SPX: variants seen among roughly 807,000 people sequenced by gnomAD.
The protein encoded by SPX is spexin hormone, also known as spexin.
In SPX, 22 loss-of-function variants were observed where a neutral mutation model predicts 19.2. The ratio of observed to expected loss-of-function variants is 1.15; its 90% CI spans 0.82 to 1.64. The LOEUF (loss-of-function observed/expected upper bound fraction) is 1.64. SPX is among the 40% of genes most tolerant of loss of function. SPX has a pLI of 0.00. For synonymous variants in SPX, 50 were observed against 53.3 expected (o/e 0.94, Z 0.27); for missense variants, 143 against 137.7 (o/e 1.04, Z -0.19).
At position 21,532,171 on chromosome 12, in the gene SPX, C is replaced by A. The variant is rs1044579025; in HGVS notation, c.*976C>A. 6.6e-6 allele frequency: 1 copy of A among 152,186 alleles called. No homozygotes were observed. Among genetic ancestry groups the A allele is most frequent in the African/African-American group, 2.4e-5 (1 of 41,436 alleles). The allele number at this position is 152,186 out of a possible 1,614,324, so 9.4% of individuals were successfully genotyped here. On this transcript the variant is annotated 3_prime_UTR_variant, in exon 6 of 6. Transcript: ENST00000256969. ...GCACATATACCCACACACGCATACA[C>A]ACATACTCCTGTGGCAAACATAATA...
chr12:21,526,582 A>G (rs994084364), intron 1 of SPX, 104 bp downstream of exon 1: 2 of 1,145,228 alleles, frequency 1.7e-6, no homozygotes, highest in Non-Finnish European at 2.5e-6. Context: ...AGTTTAAAGG[A>G]TATTTGAACG....
chr12:21,529,166 C>T lies in SPX; in HGVS notation c.292+82C>T, dbSNP rs7132029. 9,069 of 1,326,814 alleles carry T rather than the reference C, an allele frequency of 6.8e-3. 219 individuals are homozygous for T. The African/African-American group carries it at 0.073, about 11-fold the overall frequency. 82.2% of individuals were successfully genotyped at this position (1,326,814 alleles called of 1,614,324 possible). On this transcript the variant is annotated intron_variant, in intron 5 of 5. Coordinates refer to ENST00000256969, the MANE Select transcript of SPX (RefSeq NM_030572.4). Reference sequence around the variant, plus strand: ...GGATTCTGTGTTGAGTGCAACACCCCTCCCCCAGAATTTCTTGGCCTTAGG... The same window carrying T: ...GGATTCTGTGTTGAGTGCAACACCCTTCCCCCAGAATTTCTTGGCCTTAGG...
At chr12:21,529,433 C>T (rs1259613924) in intron 5 of SPX, among the ~76,000 whole-genome samples, 4 of 151,826 alleles carry the variant, frequency 2.6e-5, no homozygotes, top group Admixed American at 1.3e-4. Context: ...AGTGAAGGGA[C>T]ATTAAAAGGA....
chr12:21,531,427 T>G lies in SPX; in HGVS notation c.*232T>G, dbSNP rs151219860. 2.8e-6 allele frequency: 1 copy of G among 354,776 alleles called. No homozygotes were observed. Among genetic ancestry groups the G allele is most frequent in the African/African-American group, 2.1e-5 (1 of 47,420 alleles). 22.0% of individuals were successfully genotyped at this position (354,776 alleles called of 1,614,324 possible). ...AAATGTTTTCAGATCACCTTGTGTC[T>G]TACTCTTGAGTTTCTTAGAATATTT... On this transcript the variant is annotated 3_prime_UTR_variant, in exon 6 of 6. Coordinates refer to ENST00000256969, the MANE Select transcript of SPX (RefSeq NM_030572.4).
In SPX at chr12:21,526,458, GA is replaced by G; in HGVS notation, c.-11del. On this transcript the variant is annotated 5_prime_UTR_variant, in exon 1 of 6. Coordinates refer to ENST00000256969, the MANE Select transcript of SPX (RefSeq NM_030572.4). ...AAAGTTATAGTTATTTCAGGGTTCTGAAAAGACGCAGAACATGAAGGTAAGT... is the reference window on the plus strand; with the variant it reads ...AAAGTTATAGTTATTTCAGGGTTCTGAAAGACGCAGAACATGAAGGTAAGT... 2 of 1,590,128 alleles carry G rather than the reference GA, an allele frequency of 1.3e-6. No individual in the cohort carries two copies. Among genetic ancestry groups the G allele is most frequent in the African/African-American group, 1.3e-5 (1 of 74,742 alleles).
intron 5 of SPX, among the ~76,000 whole-genome samples, chr12:21,530,168 GA>G (rs1277636318): frequency 6.6e-6 from 1 of 152,124 alleles, no homozygotes; most frequent in East Asian, 1.9e-4. Context: ...TAAATTGATA[GA>G]AAAGTTTTTG....
Position 21,532,522 on chromosome 12 carries a change from T to C in SPX, c.*1327T>C, listed in dbSNP as rs1468048310. The C allele has an allele frequency of 1.3e-5, 2 of 152,224 alleles. No individual in the cohort carries two copies. The highest frequency in any genetic ancestry group is 4.8e-5 in the African/African-American group (2 of 41,464). The allele number at this position is 152,224 out of a possible 1,614,324, so 9.4% of individuals were successfully genotyped here. A position where few individuals can be genotyped will look rare whatever the true frequency, so the allele number is the denominator to read the frequency against. Reference sequence around the variant, plus strand: ...TGAGCATTAAAATATCTGTATGGCATTATAATAGGCACCTGTCATTAATTA... The same window carrying C: ...TGAGCATTAAAATATCTGTATGGCACTATAATAGGCACCTGTCATTAATTA... On this transcript the variant is annotated 3_prime_UTR_variant, in exon 6 of 6. Transcript: ENST00000256969.
At chr12:21,530,613 A>T (rs1341628345) in intron 5 of SPX, among the ~76,000 whole-genome samples, 1 of 152,048 alleles carries the variant, frequency 6.6e-6, no homozygotes, top group Non-Finnish European at 1.5e-5. Flanking sequence ...CAGAAGTGAT[A>T]CCTCATGCTC....
Position 21,527,204 on chromosome 12 carries a change from A to T in SPX, c.145+12A>T. 6.2e-7 allele frequency: 1 copy of T among 1,611,564 alleles called. No homozygotes were observed. Among genetic ancestry groups the T allele is most frequent in the South Asian group, 1.1e-5 (1 of 91,016 alleles). Reference sequence around the variant, plus strand: ...CCTGAAAGGGGCACGTAAGTTCCAAATATTTCGCTCTTCCTACAATAATGG... The same window carrying T: ...CCTGAAAGGGGCACGTAAGTTCCAATTATTTCGCTCTTCCTACAATAATGG... On this transcript the variant is annotated intron_variant, in intron 3 of 5. Transcript: ENST00000256969.
chr12:21,527,981 C>T (rs2136820969), intron 4 of SPX, 192 bp downstream of exon 4: 2 of 584,610 alleles, frequency 3.4e-6, no homozygotes, highest in African/African-American at 1.9e-5. Context: ...TGCCGAGCGC[C>T]GGAGCTGGGA....
chr12:21,526,960 T>C lies in SPX; in HGVS notation c.81T>C (p.Ala27=). 1.2e-6 allele frequency: 2 copies of C among 1,614,186 alleles called. No individual in the cohort carries two copies. Among genetic ancestry groups the C allele is most frequent in the African/African-American group, 1.3e-5 (1 of 75,064 alleles). The change falls in exon 2 of 6, where the codon GCT becomes GCC. Residue 27 remains alanine (A), a synonymous_variant. Transcript: ENST00000256969. The stretch of plus-strand genomic sequence containing the variant: ...TTTTCCTGGGAAACTCCAGCTGCGC[T>C]CCGCAGGTAATCAAATGCAAAATAA... ...VFVFLGNSSC[A]PQRLLERRNW... is the part of the protein sequence containing the mutation.
At chr12:21,527,110 G>A (rs1416913983) in intron 2 of SPX, 25 bp from the exon 3 acceptor site, 7 of 1,611,146 alleles carry the variant, frequency 4.3e-6, no homozygotes, top group Admixed American at 1.7e-5. Context: ...TTTATTAACT[G>A]CTCTTCCCTT....
chr12:21,528,506 G>C (rs896238865), intron 4 of SPX, among the ~76,000 whole-genome samples: 2 of 152,196 alleles, frequency 1.3e-5, no homozygotes, highest in African/African-American at 4.8e-5. Flanking sequence ...TGAACACATA[G>C]TAGGTGCTTA....
chr12:21,527,289 G>T, intron 3 of SPX, 97 bp downstream of exon 3: 1 of 1,227,094 alleles, frequency 8.1e-7, no homozygotes, highest in Non-Finnish European at 1.2e-6. Flanking sequence ...ATAATGTCGA[G>T]TTTATTCCCT....
rs1280276593 is a variant in SPX, at chr12:21,526,453, G to A, written c.-20G>A. ...CAGATAAAGTTATAGTTATTTCAGG[G>A]TTCTGAAAAGACGCAGAACATGAAG... On this transcript the variant is annotated 5_prime_UTR_variant, in exon 1 of 6. Coordinates refer to ENST00000256969, the MANE Select transcript of SPX (RefSeq NM_030572.4). The A allele has an allele frequency of 2.5e-6, 4 of 1,587,292 alleles. No individual in the cohort carries two copies. Among genetic ancestry groups the A allele is most frequent in the Non-Finnish European group, 3.4e-6 (4 of 1,161,578 alleles).
At chr12:21,527,494 C>A in intron 3 of SPX, 1 of 607,686 alleles carries the variant, frequency 1.6e-6, no homozygotes, top group South Asian at 2.1e-5. Context: ...CTCCAAAGCG[C>A]CCTTGCGGCG....
At chr12:21,528,122 G>C (rs1320084377) in intron 4 of SPX, 2 of 294,010 alleles carry the variant, frequency 6.8e-6, no homozygotes, top group East Asian at 1.4e-4. Flanking sequence ...GGTCCCCAGG[G>C]AGTTAGGACC....
chr12:21,526,847 G>A lies in SPX; in HGVS notation c.7-39G>A, dbSNP rs376144394. 3.6e-4 allele frequency: 557 copies of A among 1,568,186 alleles called. 2 individuals are homozygous for A. The highest frequency in any genetic ancestry group is 4.6e-4 in the Non-Finnish European group (528 of 1,139,040). Reference sequence around the variant, plus strand: ...AGGAAGGAAGCAGAAGATCCTATTGGCACAGAAATGACCCTTTCTGGTTGA... The same window carrying A: ...AGGAAGGAAGCAGAAGATCCTATTGACACAGAAATGACCCTTTCTGGTTGA... On this transcript the variant is annotated intron_variant, in intron 1 of 5. Coordinates refer to ENST00000256969, the MANE Select transcript of SPX (RefSeq NM_030572.4).
rs146138539 is a variant in SPX, at chr12:21,527,530, C to T, written c.146-197C>T. 1.5e-3 allele frequency: 928 copies of T among 635,768 alleles called. 7 individuals are homozygous for T. In the East Asian group the frequency reaches 0.016, roughly 11 times the overall value. 39.4% of individuals were successfully genotyped at this position (635,768 alleles called of 1,614,324 possible). A position where few individuals can be genotyped will look rare whatever the true frequency, so the allele number is the denominator to read the frequency against. On this transcript the variant is annotated intron_variant, in intron 3 of 5. Transcript: ENST00000256969. ...TCCGGTCAGGCGCGGGGCTTTCCTC[C>T]AGAGCTCCAGGGCCCCTGGCTCAGC...
Sources: allele counts gnomAD v4.1 joint callset (sites outside exome capture counted in the v4.1 genomes callset), GRCh38; gene constraint gnomAD v4.1.1; transcripts MANE v1.5; gene names NCBI Gene and HGNC (gene_info 2026-07-23, HGNC 2026-07-21).